The following PCDHA1 variants were observed in gnomAD, a reference collection of about 807,000 sequenced individuals.
PCDHA1 encodes protocadherin alpha-1.
Under a neutral mutation model 61.3 loss-of-function variants are expected in PCDHA1, and 42 were observed. The ratio of observed to expected loss-of-function variants is 0.69; its 90% CI spans 0.54 to 0.89. The LOEUF is 0.89. PCDHA1 is among the 40% of genes least tolerant of loss of function. The pLI is 0.00. For missense variants in PCDHA1, 1,256 were observed against 1,235.3 expected (o/e 1.02, Z -0.25); for synonymous variants, 610 against 553.8 (o/e 1.10, Z -1.43).
At chr5:140,836,230 C>G (rs1774305055) in intron 1 of PCDHA1, 1 of 1,613,786 alleles carries the variant, frequency 6.2e-7, no homozygotes, top group Admixed American at 1.7e-5. Context: ...CCGGTGGCGG[C>G]CGGTGCGAGC....
intron 1 of PCDHA1, among the ~76,000 whole-genome samples, chr5:140,916,610 A>G (rs1002556327): frequency 6.6e-6 from 1 of 152,196 alleles, no homozygotes; most frequent in Non-Finnish European, 1.5e-5. Flanking sequence ...TGCGGGCCTC[A>G]TGACTCTACT....
intron 1 of PCDHA1, among the ~76,000 whole-genome samples, chr5:140,827,704 CA>C (rs1554130856): frequency 6.6e-6 from 1 of 152,168 alleles, no homozygotes; most frequent in Non-Finnish European, 1.5e-5. Flanking sequence ...ATTAATGTTG[CA>C]AATATTGGTA....
intron 1 of PCDHA1, among the ~76,000 whole-genome samples, chr5:140,944,308 C>T (rs1385219466): frequency 6.6e-6 from 1 of 152,138 alleles, no homozygotes; most frequent in Non-Finnish European, 1.5e-5. Context: ...CTACCTCAGC[C>T]TCCTGAGTAG....
At chr5:140,852,575 C>G (rs913886842) in intron 1 of PCDHA1, 6 of 798,922 alleles carry the variant, frequency 7.5e-6, no homozygotes, top group African/African-American at 1.9e-5. Flanking sequence ...TGTGCCAAGG[C>G]TTTTTTATTT....
chr5:140,939,579 A>AT (rs2153642013), intron 1 of PCDHA1, among the ~76,000 whole-genome samples: 1 of 152,306 alleles, frequency 6.6e-6, no homozygotes, highest in African/African-American at 2.4e-5. Context: ...AAAATGGAAA[A>AT]TTTTAACATA....
chr5:140,983,270 GGGT>G (rs1349296894), intron 3 of PCDHA1, among the ~76,000 whole-genome samples: 4 of 152,152 alleles, frequency 2.6e-5, no homozygotes, highest in Non-Finnish European at 2.9e-5. Flanking sequence ...CCTAATGGCT[GGGT>G]GAGTATAGGA....
rs201937079 is a variant in PCDHA1 at position 140,870,716 on chromosome 5, A to G, written c.2394+82032A>G. 15 of 1,613,024 alleles carry G rather than the reference A, an allele frequency of 9.3e-6. No individual in the cohort carries two copies. The highest frequency in any genetic ancestry group is 1.2e-5 in the Non-Finnish European group (14 of 1,179,860). On this transcript the variant is annotated intron_variant, in intron 1 of 3. Coordinates refer to ENST00000504120, the MANE Select transcript of PCDHA1 (RefSeq NM_018900.4). ...CTACAGTTCCAGGTGAGCGCGCGCG[A>G]TGCGGGCGTGCCGCCTCTGAGCAGC... is the stretch of plus-strand genomic sequence containing the variant.
chr5:140,883,643 G>A (rs1182808577), intron 1 of PCDHA1: 2 of 1,613,822 alleles, frequency 1.2e-6, no homozygotes, highest in Non-Finnish European at 1.7e-6. Context: ...CGCGCAGCCC[G>A]AGTACACGGT....
chr5:140,809,940 G>A (rs1257733835), intron 1 of PCDHA1: 2 of 165,572 alleles, frequency 1.2e-5, no homozygotes, highest in Admixed American at 6.0e-5. Flanking sequence ...TTGTATGAAA[G>A]TGAAAAGCTC....
chr5:140,858,565 T>C (rs782424378), intron 1 of PCDHA1: 1 of 1,375,216 alleles, frequency 7.3e-7, no homozygotes, highest in South Asian at 1.3e-5. Flanking sequence ...ATATTTCTAG[T>C]GATACCTTTG....
At chr5:140,968,704 G>A (rs782208487) in intron 1 of PCDHA1, 6 of 1,614,002 alleles carry the variant, frequency 3.7e-6, no homozygotes, top group Admixed American at 1.7e-5. Context: ...GGACTACCAG[G>A]AAGATGGGAG....
At chr5:140,824,449 A>G in intron 1 of PCDHA1, 1 of 452,608 alleles carries the variant, frequency 2.2e-6, no homozygotes, top group South Asian at 3.3e-5. Flanking sequence ...TTATGACTAC[A>G]TGAAAATTTA....
intron 1 of PCDHA1, chr5:140,967,430 T>C (rs1554229552): frequency 1.2e-6 from 2 of 1,613,482 alleles, no homozygotes; most frequent in East Asian, 4.5e-5. Context: ...GCAGGCAGCC[T>C]TGCACCACCT....
Position 140,823,874 on chromosome 5 carries a change from T to C in PCDHA1, c.2394+35190T>C, listed in dbSNP as rs2150129906. 6.8e-6 allele frequency: 11 copies of C among 1,613,890 alleles called. No individual in the cohort carries two copies. In the Admixed American group the frequency reaches 1.8e-4, roughly 27 times the overall value. Reference sequence around the variant, plus strand: ...CTGGTGGATGTCAACGTGTACCTGATCATCGCCATCTGTGCGGTGTCCAGC... The same window carrying C: ...CTGGTGGATGTCAACGTGTACCTGACCATCGCCATCTGTGCGGTGTCCAGC... On this transcript the variant is annotated intron_variant, in intron 1 of 3. Coordinates refer to ENST00000504120, the MANE Select transcript of PCDHA1 (RefSeq NM_018900.4).
At position 140,968,158 on chromosome 5, in the gene PCDHA1, C is replaced by T. The variant is rs191279827; in HGVS notation, c.2395-10791C>T. The T allele has an allele frequency of 3.7e-6, 6 of 1,614,124 alleles. No individual in the cohort carries two copies. The African/African-American group carries it at 4.0e-5, about 11-fold the overall frequency. On this transcript the variant is annotated intron_variant, in intron 1 of 3. Transcript: ENST00000504120. ...AGGTTGAGATCTCTGACATCAATGA[C>T]AATCCACCAAGCTTCCTGGAGGACT...
chr5:140,796,492 GT>G (rs782322606), intron 1 of PCDHA1: 49 of 1,612,214 alleles, frequency 3.0e-5, no homozygotes, highest in Non-Finnish European at 3.6e-5. Flanking sequence ...CTACGTTTCG[GT>G]GCACGCGGAG....
intron 1 of PCDHA1, chr5:140,968,847 A>G (rs781874732): frequency 8.7e-6 from 14 of 1,614,222 alleles, no homozygotes; most frequent in Middle Eastern, 1.6e-4. Context: ...ACTCAGAGGC[A>G]TGTTAAGAGC....
intron 2 of PCDHA1, among the ~76,000 whole-genome samples, chr5:140,979,943 T>A (rs2153820467): frequency 6.6e-6 from 1 of 152,364 alleles, no homozygotes; most frequent in Admixed American, 6.5e-5. Context: ...GTAGAGTTAA[T>A]GTGAAATTAG....
At chr5:140,796,063 A>C in intron 1 of PCDHA1, 1 of 1,614,212 alleles carries the variant, frequency 6.2e-7, no homozygotes, top group Non-Finnish European at 8.5e-7. Flanking sequence ...TTCCCTGGGC[A>C]CTGTCATTGC....
Sources: gnomAD v4.1 joint callset for allele counts (sites outside exome capture counted in the v4.1 genomes callset) on GRCh38, gnomAD v4.1.1 for gene constraint, MANE v1.5 for transcripts, NCBI Gene and HGNC (gene_info 2026-07-23, HGNC 2026-07-21) for gene names.